TRAM1: variants seen among roughly 807,000 people sequenced by gnomAD.
TRAM1 encodes the protein translocation associated membrane protein 1.
In TRAM1, 17 loss-of-function variants were observed where a neutral mutation model predicts 48.7. That is an observed-to-expected ratio of 0.35 (90% CI 0.24 to 0.52). TRAM1 has a LOEUF of 0.52. TRAM1 is among the 20% of genes least tolerant of loss of function. The pLI is 0.94. For missense variants in TRAM1, 351 were observed against 441.5 expected (o/e 0.79, Z 1.84); for synonymous variants, 182 against 154.0 (o/e 1.18, Z -1.34).
intron 6 of TRAM1, among the ~76,000 whole-genome samples, chr8:70,592,233 T>C (rs1000996619): frequency 6.6e-6 from 1 of 152,162 alleles, no homozygotes; most frequent in Non-Finnish European, 1.5e-5. Context: ...GTAATTTAAG[T>C]TTTATCTTTG....
At chr8:70,577,037 G>A (rs958716366) in intron 10 of TRAM1, among the ~76,000 whole-genome samples, 2 of 152,196 alleles carry the variant, frequency 1.3e-5, no homozygotes, top group African/African-American at 4.8e-5. Flanking sequence ...CATCCACAAC[G>A]TGGCGAGCAG....
chr8:70,582,372 G>T (rs573668807), intron 10 of TRAM1, among the ~76,000 whole-genome samples: 3 of 149,386 alleles, frequency 2.0e-5, no homozygotes, highest in Non-Finnish European at 4.4e-5. Flanking sequence ...ATTGTGCACT[G>T]TAACCTTGAA....
intron 10 of TRAM1, among the ~76,000 whole-genome samples, chr8:70,581,053 A>T (rs575466063): frequency 1.6e-4 from 25 of 152,320 alleles, no homozygotes; most frequent in African/African-American, 6.0e-4. Context: ...CCAAAACCCC[A>T]GCTGGCTTTT....
At chr8:70,589,803 C>T (rs1245409277) in intron 6 of TRAM1, among the ~76,000 whole-genome samples, 23 of 152,134 alleles carry the variant, frequency 1.5e-4, no homozygotes, top group Admixed American at 1.5e-3. Context: ...GTGATTGTGG[C>T]CACTGCACTC....
chr8:70,600,150 A>T, intron 1 of TRAM1, 68 bp from the exon 2 acceptor site: 2 of 1,243,572 alleles, frequency 1.6e-6, no homozygotes, highest in Non-Finnish European at 2.3e-6. Flanking sequence ...ATCGGGGCAA[A>T]AACATTATAA....
chr8:70,607,973 C>G (rs554410454), intron 1 of TRAM1, 104 bp downstream of exon 1: 287 of 1,393,124 alleles, frequency 2.1e-4, no homozygotes, highest in Admixed American at 2.7e-4. Context: ...CACCCCGGGC[C>G]CGAGCCCCCC....
At chr8:70,598,046 A>G (rs1340237715) in intron 3 of TRAM1, 35 bp from the exon 4 acceptor site, 1 of 1,511,592 alleles carries the variant, frequency 6.6e-7, no homozygotes, top group East Asian at 2.5e-5. Context: ...AATTAAGAAT[A>G]AATTATAAAT....
At position 70,608,233 on chromosome 8, in the gene TRAM1, G is replaced by A. The variant is rs756945596; in HGVS notation, c.-34C>T. ...CGCCGCCCGCGCCTGCAGGTGCTCCGCCCCGGTTCTGCTCTTCCCAGCTGC... is the reference window on the plus strand; with the variant it reads ...CGCCGCCCGCGCCTGCAGGTGCTCCACCCCGGTTCTGCTCTTCCCAGCTGC... On this transcript the variant is annotated 5_prime_UTR_variant, in exon 1 of 11. Transcript: ENST00000262213. 3 of 1,567,738 alleles carry A rather than the reference G, an allele frequency of 1.9e-6. No individual in the cohort carries two copies. Among genetic ancestry groups the A allele is most frequent in the Non-Finnish European group, 2.6e-6 (3 of 1,161,500 alleles).
chr8:70,590,989 TAAC>T (rs1231246956), intron 6 of TRAM1, among the ~76,000 whole-genome samples: 2 of 143,240 alleles, frequency 1.4e-5, no homozygotes, highest in Non-Finnish European at 3.1e-5. Context: ...ATAATGGGGA[TAAC>T]AACAACAATA....
chr8:70,575,395 G>A (rs1028156899), intron 10 of TRAM1, among the ~76,000 whole-genome samples: 3 of 152,136 alleles, frequency 2.0e-5, no homozygotes, highest in African/African-American at 7.2e-5. Context: ...GTGGAGGCGT[G>A]TATTATGGCC....
chr8:70,584,818 T>G (rs1817171590), intron 8 of TRAM1, among the ~76,000 whole-genome samples: 2 of 151,962 alleles, frequency 1.3e-5, no homozygotes, highest in South Asian at 4.2e-4. Context: ...TGCTCATGAG[T>G]AGGAAGAATC....
At position 70,583,644 on chromosome 8, in the gene TRAM1, T is replaced by C. The variant is rs551375218; in HGVS notation, c.890+6A>G. 63 of 1,605,920 alleles carry C rather than the reference T, an allele frequency of 3.9e-5. No individual in the cohort carries two copies. In the Middle Eastern group the frequency reaches 8.3e-4, roughly 21 times the overall value. ...TAAAGTGAAAAAAATGTTAAATTGATCGTACCTAACAGCTAACACATTGAA... is the reference window on the plus strand; with the variant it reads ...TAAAGTGAAAAAAATGTTAAATTGACCGTACCTAACAGCTAACACATTGAA... On this transcript the variant is annotated splice_donor_region_variant and intron_variant, in intron 9 of 10. Transcript: ENST00000262213.
In TRAM1 at chr8:70,574,623, T is replaced by A. The variant is rs923892696; in HGVS notation, c.*309A>T. On this transcript the variant is annotated 3_prime_UTR_variant, in exon 11 of 11. Coordinates refer to ENST00000262213, the MANE Select transcript of TRAM1 (RefSeq NM_014294.6). ...AGCAAGAAATTGTATCACTGATATG[T>A]GGAATTTTTGTAAATAGTTTTCTCT... 2 of 235,504 alleles carry A rather than the reference T, an allele frequency of 8.5e-6. No individual in the cohort carries two copies. Among genetic ancestry groups the A allele is most frequent in the South Asian group, 6.3e-5 (1 of 15,796 alleles). 14.6% of individuals were successfully genotyped at this position (235,504 alleles called of 1,614,324 possible). A position where few individuals can be genotyped will look rare whatever the true frequency, so the allele number is the denominator to read the frequency against.
At chr8:70,596,135 C>T (rs1212971362) in intron 5 of TRAM1, 128 bp downstream of exon 5, 1 of 643,100 alleles carries the variant, frequency 1.6e-6, no homozygotes, top group Non-Finnish European at 2.4e-6. Flanking sequence ...GTGGGACTGT[C>T]AAAGACATAT....
At chr8:70,582,366 T>G (rs1282377438) in intron 10 of TRAM1, among the ~76,000 whole-genome samples, 1 of 151,394 alleles carries the variant, frequency 6.6e-6, no homozygotes, top group African/African-American at 2.4e-5. Context: ...ATGATCATTG[T>G]GCACTGTAAC....
intron 8 of TRAM1, among the ~76,000 whole-genome samples, chr8:70,586,666 A>G (rs925868621): frequency 6.6e-6 from 1 of 152,238 alleles, no homozygotes; most frequent in Non-Finnish European, 1.5e-5. Flanking sequence ...AGTAAACCCA[A>G]GAAGCCTTCA....
intron 6 of TRAM1, among the ~76,000 whole-genome samples, chr8:70,594,082 C>T (rs1817427496): frequency 6.6e-6 from 1 of 152,040 alleles, no homozygotes; most frequent in Non-Finnish European, 1.5e-5. Context: ...TTTTCCAATA[C>T]TGAATTTTGC....
chr8:70,595,210 T>C (rs1439141272), intron 5 of TRAM1, among the ~76,000 whole-genome samples: 1 of 151,972 alleles, frequency 6.6e-6, no homozygotes, highest in Non-Finnish European at 1.5e-5. Flanking sequence ...CCTCTTGACA[T>C]TATATCCCTC....
chr8:70,596,408 A>G, intron 4 of TRAM1, 87 bp from the exon 5 acceptor site: 1 of 1,011,436 alleles, frequency 9.9e-7, no homozygotes. Context: ...TCAAACATTT[A>G]CAGGTCCCAT....
Sources: allele counts gnomAD v4.1 joint callset (sites outside exome capture counted in the v4.1 genomes callset), GRCh38; gene constraint gnomAD v4.1.1; transcripts MANE v1.5; gene names NCBI Gene and HGNC (gene_info 2026-07-23, HGNC 2026-07-21).